The following INVS variants were observed in gnomAD, a reference collection of about 807,000 sequenced individuals.
INVS encodes the protein inversion of embryo turning homolog.
INVS carries 86 observed loss-of-function variants against 108.8 expected under a neutral mutation model. The ratio of observed to expected loss-of-function variants is 0.79; its 90% CI spans 0.66 to 0.95. The LOEUF (loss-of-function observed/expected upper bound fraction) is 0.95. Ranked by LOEUF, INVS falls within the 40% of genes least tolerant of loss-of-function variation. The pLI is 0.00. For synonymous variants in INVS, 455 were observed against 473.5 expected (o/e 0.96, Z 0.51); for missense variants, 1,169 against 1,297.4 (o/e 0.90, Z 1.52).
intron 3 of INVS, among the ~76,000 whole-genome samples, chr9:100,195,393 G>T (rs1002740665): frequency 2.0e-5 from 3 of 152,056 alleles, no homozygotes; most frequent in African/African-American, 7.2e-5. Context: ...TGTTGCCCAG[G>T]CTACACTTGA....
At chr9:100,188,795 T>C (rs1237424367) in intron 3 of INVS, among the ~76,000 whole-genome samples, 2 of 152,162 alleles carry the variant, frequency 1.3e-5, no homozygotes, top group Non-Finnish European at 2.9e-5. Flanking sequence ...TGGTAGAATT[T>C]GGCTGTGAAT....
intron 1 of INVS, chr9:100,102,552 G>A (rs552953490): frequency 6.6e-6 from 1 of 152,136 alleles, no homozygotes; most frequent in East Asian, 1.9e-4. Context: ...TTTTAATTTA[G>A]TATTTAGCCA....
chr9:100,123,196 A>G (rs1827780891), intron 2 of INVS, among the ~76,000 whole-genome samples: 1 of 152,198 alleles, frequency 6.6e-6, no homozygotes, highest in South Asian at 2.1e-4. Context: ...ACCACAAATG[A>G]TATTAGAACA....
At chr9:100,268,546 A>G (rs1381142102) in intron 11 of INVS, among the ~76,000 whole-genome samples, 4 of 152,106 alleles carry the variant, frequency 2.6e-5, no homozygotes, top group Admixed American at 6.5e-5. Context: ...CCTCTGACAA[A>G]ATGATAGGAG....
chr9:100,157,621 A>G (rs538363603), intron 3 of INVS, among the ~76,000 whole-genome samples: 1 of 152,324 alleles, frequency 6.6e-6, no homozygotes, highest in South Asian at 2.1e-4. Flanking sequence ...AGTTTAAATT[A>G]TAGGAAAACA....
At chr9:100,114,056 A>G (rs531571399) in intron 2 of INVS, among the ~76,000 whole-genome samples, 36 of 152,318 alleles carry the variant, frequency 2.4e-4, no homozygotes, top group African/African-American at 8.4e-4. Flanking sequence ...CTTACAATAC[A>G]TAGCTGGAGC....
intron 3 of INVS, among the ~76,000 whole-genome samples, chr9:100,182,927 A>G (rs1237718058): frequency 6.6e-6 from 1 of 152,208 alleles, no homozygotes; most frequent in Non-Finnish European, 1.5e-5. Flanking sequence ...CATATACACC[A>G]TGGAATACTA....
chr9:100,166,330 A>G (rs558856564), intron 3 of INVS, among the ~76,000 whole-genome samples: 1 of 152,170 alleles, frequency 6.6e-6, no homozygotes, highest in African/African-American at 2.4e-5. Context: ...GCAACATAGG[A>G]AGACCCCATC....
In INVS at chr9:100,292,625, C is replaced by T. The variant is rs1833657168; in HGVS notation, c.2368C>T (p.Pro790Ser). The T allele has an allele frequency of 2.5e-6, 4 of 1,614,018 alleles. No homozygotes were observed. Among genetic ancestry groups the T allele is most frequent in the Non-Finnish European group, 3.4e-6 (4 of 1,180,034 alleles). ...CACAGAACCCAAGGCCAAATGTGCCCCCCAGAAAAGGCGCACTCAAGAGCT... is the reference window on the plus strand; with the variant it reads ...CACAGAACCCAAGGCCAAATGTGCCTCCCAGAAAAGGCGCACTCAAGAGCT... ...HDTEPKAKCA[P>S]QKRRTQELRG... Residue 790 changes from proline (P) to serine (S), a missense_variant, in exon 14 of 17, where the codon CCC becomes TCC. By Grantham distance (74) the Pro-to-Ser change is moderately conservative (BLOSUM62 -1). Transcript: ENST00000262457.
intron 3 of INVS, among the ~76,000 whole-genome samples, chr9:100,143,590 G>A (rs1828502383): frequency 1.3e-5 from 2 of 152,156 alleles, no homozygotes; most frequent in Admixed American, 6.5e-5. Flanking sequence ...TGAACTGGGG[G>A]AAAAGGCAGC....
At chr9:100,158,524 A>G (rs10988988) in intron 3 of INVS, among the ~76,000 whole-genome samples, 31,955 of 152,052 alleles carry the variant, frequency 0.21, 5,713 homozygotes, top group African/African-American at 0.49. Flanking sequence ...AATGATACCT[A>G]TATTACCACA....
chr9:100,239,831 G>C (rs1831808518), intron 5 of INVS, among the ~76,000 whole-genome samples: 2 of 152,054 alleles, frequency 1.3e-5, no homozygotes, highest in Admixed American at 1.3e-4. Context: ...AATTAGCCAG[G>C]TGTGGTGGGA....
At chr9:100,246,866 G>A (rs1296666610) in intron 8 of INVS, 79 bp downstream of exon 8, 4 of 1,274,200 alleles carry the variant, frequency 3.1e-6, no homozygotes, top group Non-Finnish European at 4.6e-6. Context: ...TTGTAAAATA[G>A]CAACTTGAAA....
In INVS at chr9:100,292,934, C is replaced by T. The variant is rs755165024; in HGVS notation, c.2677C>T (p.Leu893Phe). ...CTCTGGGCAGAGTGTGAATATTGAC[C>T]TTCTCCCCGTAGAGCTCCGACTGCA... The part of the protein sequence containing the change: ...PLSGQSVNID[L>F]LPVELRLQII... The change falls in exon 14 of 17, where the codon CTT (leucine) becomes TTT (phenylalanine). Residue 893 changes from leucine to phenylalanine, a missense_variant. Transcript: ENST00000262457. 6 of 1,613,524 alleles carry T rather than the reference C, an allele frequency of 3.7e-6. No homozygotes were observed. The highest frequency in any genetic ancestry group is 5.1e-6 in the Non-Finnish European group (6 of 1,179,470).
intron 3 of INVS, among the ~76,000 whole-genome samples, chr9:100,137,775 T>G (rs1047829991): frequency 3.1e-4 from 47 of 152,214 alleles, no homozygotes; most frequent in African/African-American, 1.1e-3. Flanking sequence ...TAATCTCTTT[T>G]GCAAATATAG....
At chr9:100,277,399 C>A (rs1833146119) in intron 12 of INVS, among the ~76,000 whole-genome samples, 1 of 152,198 alleles carries the variant, frequency 6.6e-6, no homozygotes, top group African/African-American at 2.4e-5. Flanking sequence ...TCATCTGGCC[C>A]ATGGGGAATT....
At chr9:100,219,113 C>T (rs1831068903) in intron 3 of INVS, among the ~76,000 whole-genome samples, 1 of 151,732 alleles carries the variant, frequency 6.6e-6, no homozygotes, top group South Asian at 2.1e-4. Context: ...AAAAAATAAG[C>T]CACACAGAGA....
intron 2 of INVS, among the ~76,000 whole-genome samples, chr9:100,115,597 ATCCATG>A (rs1827490219): frequency 6.6e-6 from 1 of 152,130 alleles, no homozygotes; most frequent in Admixed American, 6.6e-5. Flanking sequence ...TTCCAGCTTC[ATCCATG>A]TCCCTACAAA....
chr9:100,151,796 A>T (rs1008340047), intron 3 of INVS, among the ~76,000 whole-genome samples: 1 of 152,210 alleles, frequency 6.6e-6, no homozygotes, highest in Non-Finnish European at 1.5e-5. Context: ...TTCACCAGAT[A>T]TGCACATATT....
Sources: allele counts gnomAD v4.1 joint callset (sites outside exome capture counted in the v4.1 genomes callset), GRCh38; gene constraint gnomAD v4.1.1; transcripts MANE v1.5; gene names NCBI Gene and HGNC (gene_info 2026-07-23, HGNC 2026-07-21).